Variants in TMEM87B observed in about 807,000 individuals in gnomAD.
TMEM87B encodes the protein transmembrane protein 87B.
Under a neutral mutation model 80.3 loss-of-function variants are expected in TMEM87B, and 83 were observed. That is an observed-to-expected ratio of 1.03 (90% CI 0.87 to 1.24). TMEM87B has a LOEUF of 1.24. Among genes scored for constraint, TMEM87B ranks in the 50% most tolerant of loss-of-function variants. TMEM87B has a pLI of 0.00. For synonymous variants in TMEM87B, 219 were observed against 230.5 expected, an observed-to-expected ratio of 0.95 and a Z score of 0.45; for missense variants, 625 against 674.4, an observed-to-expected ratio of 0.93 and a Z score of 0.81.
At chr2:112,094,053 A>G (rs1454779954) in intron 11 of TMEM87B, among the ~76,000 whole-genome samples, 1 of 152,184 alleles carries the variant, frequency 6.6e-6, no homozygotes, top group African/African-American at 2.4e-5. Context: ...TTAACAAGTT[A>G]GGGAGTATGG....
At chr2:112,076,338 T>C (rs1678812510) in intron 5 of TMEM87B, among the ~76,000 whole-genome samples, 1 of 152,260 alleles carries the variant, frequency 6.6e-6, no homozygotes, top group South Asian at 2.1e-4. Context: ...AGAGTATTGT[T>C]AGAAAAAAGA....
intron 11 of TMEM87B, among the ~76,000 whole-genome samples, chr2:112,094,204 C>T (rs1228595349): frequency 6.7e-6 from 1 of 150,016 alleles, no homozygotes; most frequent in Non-Finnish European, 1.5e-5. Context: ...GCTCTGTCAC[C>T]AGGTTGGAGT....
chr2:112,082,268 T>C (rs558360728), intron 8 of TMEM87B, among the ~76,000 whole-genome samples: 37 of 152,332 alleles, frequency 2.4e-4, no homozygotes, highest in Non-Finnish European at 4.7e-4. Context: ...TTGTCTGTTA[T>C]TGATTGATTG....
intron 8 of TMEM87B, 135 bp downstream of exon 8, chr2:112,081,653 A>C (rs1679002620): frequency 1.3e-6 from 1 of 759,582 alleles, no homozygotes; most frequent in East Asian, 2.8e-5. Flanking sequence ...AGGAAAGCCA[A>C]GGAAAGAATG....
Position 112,112,038 on chromosome 2 carries a change from A to T in TMEM87B, c.1578-861A>T, listed in dbSNP as rs80076004. On this transcript the variant is annotated intron_variant, in intron 17 of 18. Transcript: ENST00000283206. ...ATTTTCCTTAATCGTATTATTCCAA[A>T]CAGTCTGCCTTGCCTCCTTCCTCAC... Among the ~76,000 whole-genome samples, 682 of 152,200 alleles carry T rather than the reference A, an allele frequency of 4.5e-3. 5 individuals carry two copies. The highest frequency in any genetic ancestry group is 0.015 in the African/African-American group (623 of 41,526).
intron 1 of TMEM87B, among the ~76,000 whole-genome samples, chr2:112,058,698 A>T (rs1284377172): frequency 1.3e-5 from 2 of 152,256 alleles, no homozygotes; most frequent in African/African-American, 4.8e-5. Flanking sequence ...CTGCTGTCTA[A>T]AGATGAATTA....
chr2:112,055,752 A>G lies in TMEM87B; in HGVS notation c.161A>G (p.Asn54Ser). 1.3e-6 allele frequency: 2 copies of G among 1,486,270 alleles called. No individual in the cohort carries two copies. Among genetic ancestry groups the G allele is most frequent in the African/African-American group, 1.5e-5 (1 of 68,050 alleles). The allele number at this position is 1,486,270 out of a possible 1,614,324, so 92.1% of individuals were successfully genotyped here. Residue 54 changes from asparagine to serine, a missense_variant, in exon 1 of 19, where the codon AAC (asparagine) becomes AGC (serine). By Grantham distance (46) the Asn-to-Ser change is conservative. Transcript: ENST00000283206. ...CTCGGGCTCTGGTTAGAGACAGTCAACGACGTAAGTGGAGTGTCGGGACCC... is the reference window on the plus strand; with the variant it reads ...CTCGGGCTCTGGTTAGAGACAGTCAGCGACGTAAGTGGAGTGTCGGGACCC... The part of the protein sequence containing the change: ...PELGLWLETV[N>S]DKSGPLIFRK...
chr2:112,107,051 G>C (rs1247424445), intron 16 of TMEM87B, among the ~76,000 whole-genome samples: 1 of 152,108 alleles, frequency 6.6e-6, no homozygotes, highest in Non-Finnish European at 1.5e-5. Flanking sequence ...AAATAAATAG[G>C]CTTTTCTAAA....
At chr2:112,080,152 C>T (rs990671482) in intron 6 of TMEM87B, among the ~76,000 whole-genome samples, 1 of 151,970 alleles carries the variant, frequency 6.6e-6, no homozygotes, top group South Asian at 2.1e-4. Context: ...TGGTCTCGAT[C>T]CCCTGACCTT....
chr2:112,098,974 A>G (rs1679551504), intron 14 of TMEM87B, among the ~76,000 whole-genome samples: 1 of 152,226 alleles, frequency 6.6e-6, no homozygotes, highest in African/African-American at 2.4e-5. Flanking sequence ...CTGAACTGGG[A>G]AAGAGTGTCC....
At chr2:112,106,322 T>G (rs1302469967) in intron 16 of TMEM87B, among the ~76,000 whole-genome samples, 2 of 152,190 alleles carry the variant, frequency 1.3e-5, no homozygotes, top group Non-Finnish European at 2.9e-5. Flanking sequence ...GAGCATCATC[T>G]GGGAACTTGT....
intron 10 of TMEM87B, among the ~76,000 whole-genome samples, 195 bp from the exon 11 acceptor site, chr2:112,091,516 AT>A (rs60512912): frequency 0.053 from 8,053 of 152,290 alleles, 385 homozygotes; most frequent in African/African-American, 0.13. Flanking sequence ...CTATCATCAC[AT>A]AAATTAGCAC....
intron 4 of TMEM87B, among the ~76,000 whole-genome samples, chr2:112,072,503 T>C (rs1177560639): frequency 1.3e-5 from 2 of 152,080 alleles, no homozygotes; most frequent in Non-Finnish European, 2.9e-5. Context: ...CTTGGGAGGG[T>C]GTATGTGTCC....
chr2:112,087,170 C>T (rs1170680746), intron 9 of TMEM87B, among the ~76,000 whole-genome samples: 2 of 152,002 alleles, frequency 1.3e-5, no homozygotes, highest in East Asian at 3.9e-4. Flanking sequence ...CTGCCTTTCT[C>T]TTTGTCAACC....
chr2:112,067,543 G>A (rs1336995975), intron 4 of TMEM87B, among the ~76,000 whole-genome samples: 1 of 152,212 alleles, frequency 6.6e-6, no homozygotes, highest in African/African-American at 2.4e-5. Flanking sequence ...AGCTTGCAGT[G>A]AGCCATGATT....
chr2:112,059,579 A>G lies in TMEM87B; in HGVS notation c.166-398A>G, dbSNP rs181260256. Among the ~76,000 whole-genome samples, 18 of 152,306 alleles carry G rather than the reference A, an allele frequency of 1.2e-4. No individual in the cohort carries two copies. The East Asian group carries it at 2.3e-3, about 20-fold the overall frequency. On this transcript the variant is annotated intron_variant, in intron 1 of 18. Coordinates refer to ENST00000283206, the MANE Select transcript of TMEM87B (RefSeq NM_032824.3). Reference sequence around the variant, plus strand: ...AAGAATTTCGGTCTGTTGTAATTGCATTGGTAAACCATAACGACTTGGAGC... The same window carrying G: ...AAGAATTTCGGTCTGTTGTAATTGCGTTGGTAAACCATAACGACTTGGAGC...
intron 2 of TMEM87B, among the ~76,000 whole-genome samples, chr2:112,063,649 A>G (rs10192728): frequency 0.29 from 43,393 of 152,024 alleles, 6,366 homozygotes; most frequent in Middle Eastern, 0.43. Context: ...CCCAGAACCC[A>G]TTCTTCATGC....
chr2:112,082,321 G>A (rs936579696), intron 8 of TMEM87B, among the ~76,000 whole-genome samples: 1 of 152,114 alleles, frequency 6.6e-6, no homozygotes, highest in African/African-American at 2.4e-5. Flanking sequence ...GCAGTGGTGC[G>A]ATTTTTGCTC....
At chr2:112,094,520 G>A (rs926133325) in intron 11 of TMEM87B, among the ~76,000 whole-genome samples, 4 of 151,988 alleles carry the variant, frequency 2.6e-5, no homozygotes, top group African/African-American at 9.7e-5. Context: ...TAGTAATGCA[G>A]CTTGGCAGAA....
Sources: allele counts gnomAD v4.1 joint callset (sites outside exome capture counted in the v4.1 genomes callset), GRCh38; gene constraint gnomAD v4.1.1; transcripts MANE v1.5; gene names NCBI Gene and HGNC (gene_info 2026-07-23, HGNC 2026-07-21).